Variants in AGAP1 observed in about 807,000 individuals in gnomAD.
AGAP1 encodes ArfGAP with GTPase domain, ankyrin repeat and PH domain 1.
AGAP1 carries 29 observed loss-of-function variants against 105.3 expected under a neutral mutation model. The ratio of observed to expected loss-of-function variants is 0.28; its 90% CI spans 0.21 to 0.38. AGAP1 has a LOEUF of 0.38. Among genes scored for constraint, AGAP1 ranks in the 10% least tolerant of loss-of-function variants. The pLI, the probability that AGAP1 is intolerant of heterozygous loss-of-function variation, is 1.00. For synonymous variants in AGAP1, 509 were observed against 485.9 expected, an observed-to-expected ratio of 1.05 and a Z score of -0.63; for missense variants, 998 against 1,165.1, an observed-to-expected ratio of 0.86 and a Z score of 2.09.
rs1224093217 is a variant in AGAP1 at position 236,005,754 on chromosome 2, G to C, written c.1646-30807G>C. On this transcript the variant is annotated intron_variant, in intron 13 of 17. Transcript: ENST00000304032. The surrounding 1 kb of genome is among the most constrained non-coding windows in gnomAD (Gnocchi z 4.1). ...ATGCTTTTCTCAGGTTTCATCTTGA[G>C]TTACAAGTTTTGTGGAGAAGGACCA... is the stretch of plus-strand genomic sequence containing the variant. Among the ~76,000 whole-genome samples, 1 of 152,206 alleles carries C rather than the reference G, an allele frequency of 6.6e-6. No individual in the cohort carries two copies. The highest frequency in any genetic ancestry group is 2.4e-5 in the African/African-American group (1 of 41,452).
chr2:235,715,213 TC>T (rs1951040566), intron 2 of AGAP1, among the ~76,000 whole-genome samples: 1 of 152,208 alleles, frequency 6.6e-6, no homozygotes, highest in East Asian at 1.9e-4. Flanking sequence ...CCATCCTTCT[TC>T]CTTGTCATCC....
rs570320984 is a variant in AGAP1, at chr2:236,096,269, G to C, written c.2115-23923G>C. 6.6e-6 allele frequency among the ~76,000 whole-genome samples: 1 copy of C among 152,286 alleles called. No homozygotes were observed. Among genetic ancestry groups the C allele is most frequent in the East Asian group, 1.9e-4 (1 of 5,156 alleles). On this transcript the variant is annotated intron_variant, in intron 16 of 17. Coordinates refer to ENST00000304032, the MANE Select transcript of AGAP1 (RefSeq NM_001037131.3). This position sits in a 1 kb window ranked among gnomAD's most constrained non-coding sequence, Gnocchi z 4.4. ...TAATCCCAGCACTTCGGGAGGCCAA[G>C]GCGGGGGAATCCCTGAGGTTAGAAG...
At chr2:236,030,174 T>C (rs2057182347) in intron 13 of AGAP1, among the ~76,000 whole-genome samples, 1 of 152,194 alleles carries the variant, frequency 6.6e-6, no homozygotes, top group African/African-American at 2.4e-5. Context: ...TCTTGATATT[T>C]GTTTAAGAGC....
rs1958979420 is a variant in AGAP1, at chr2:235,824,808, A to G, written c.1050+17477A>G. ...AAACACAACTGTGTTTTTCTCAGGC[A>G]TATTGTTGTTTTATGTATACCCATC... is the stretch of plus-strand genomic sequence containing the variant. On this transcript the variant is annotated intron_variant, in intron 9 of 17. Coordinates refer to ENST00000304032, the MANE Select transcript of AGAP1 (RefSeq NM_001037131.3). This position sits in a 1 kb window ranked among gnomAD's most constrained non-coding sequence, Gnocchi z 5.2. Among the ~76,000 whole-genome samples, 1 of 152,186 alleles carries G rather than the reference A, an allele frequency of 6.6e-6. No homozygotes were observed. Among genetic ancestry groups the G allele is most frequent in the African/African-American group, 2.4e-5 (1 of 41,450 alleles).
At chr2:235,539,942 C>T (rs1170834258) in intron 1 of AGAP1, among the ~76,000 whole-genome samples, 4 of 152,132 alleles carry the variant, frequency 2.6e-5, no homozygotes, top group Non-Finnish European at 4.4e-5. Context: ...ACCTGGTCAT[C>T]CACCGCGGTC....
chr2:235,765,505 T>C (rs568419404), intron 6 of AGAP1, among the ~76,000 whole-genome samples: 74 of 152,282 alleles, frequency 4.9e-4, no homozygotes, highest in East Asian at 4.8e-3. Flanking sequence ...CACTGTTCGT[T>C]TGGGGGCTCA....
In AGAP1 at chr2:236,083,796, A is replaced by G. The variant is rs1255012269; in HGVS notation, c.2114+34515A>G. Among the ~76,000 whole-genome samples, 1 of 152,220 alleles carries G rather than the reference A, an allele frequency of 6.6e-6. No individual in the cohort carries two copies. The highest frequency in any genetic ancestry group is 1.5e-5 in the Non-Finnish European group (1 of 68,040). Reference sequence around the variant, plus strand: ...GGTGTTTTAGGAGCCACAATAAACCATCGCAGAGCAAGGAGTGCCTCTTCT... The same window carrying G: ...GGTGTTTTAGGAGCCACAATAAACCGTCGCAGAGCAAGGAGTGCCTCTTCT... On this transcript the variant is annotated intron_variant, in intron 16 of 17. Transcript: ENST00000304032. The surrounding 1 kb of genome is among the most constrained non-coding windows in gnomAD (Gnocchi z 5.3).
At chr2:235,641,652 G>C (rs6707398) in intron 1 of AGAP1, among the ~76,000 whole-genome samples, 2 of 151,990 alleles carry the variant, frequency 1.3e-5, no homozygotes, top group African/African-American at 2.4e-5. Context: ...CCCCACATAC[G>C]TTCAGTGGCA....
At chr2:235,825,827 A>G (rs984227236) in intron 9 of AGAP1, among the ~76,000 whole-genome samples, 4 of 152,200 alleles carry the variant, frequency 2.6e-5, no homozygotes, top group African/African-American at 9.7e-5. Context: ...TTTAGTCAGT[A>G]ATAACTATAC....
At position 235,686,616 on chromosome 2, in the gene AGAP1, T is replaced by G. The variant is rs1248530517; in HGVS notation, c.164-22563T>G. On this transcript the variant is annotated intron_variant, in intron 1 of 17. Coordinates refer to ENST00000304032, the MANE Select transcript of AGAP1 (RefSeq NM_001037131.3). ...GTGTGTGTATATATATACGTGGAGATATAGATATATATATATATATATATA... is the reference window on the plus strand; with the variant it reads ...GTGTGTGTATATATATACGTGGAGAGATAGATATATATATATATATATATA... 2.4e-3 allele frequency among the ~76,000 whole-genome samples: 92 copies of G among 37,706 alleles called. 2 individuals are homozygous for G. The highest frequency in any genetic ancestry group is 0.012 in the African/African-American group (87 of 7,326). The allele number at this position is 37,706 out of a possible 152,430, so 24.7% of individuals were successfully genotyped here. A position where few individuals can be genotyped will look rare whatever the true frequency, so the allele number is the denominator to read the frequency against.
intron 1 of AGAP1, among the ~76,000 whole-genome samples, chr2:235,541,435 T>C (rs1226099545): frequency 7.2e-6 from 1 of 138,570 alleles, no homozygotes; most frequent in Non-Finnish European, 1.5e-5. Flanking sequence ...TCGCCCAGGC[T>C]GGAGTGCAGT....
At position 235,866,835 on chromosome 2, in the gene AGAP1, T is replaced by A. The variant is rs1346626489; in HGVS notation, c.1051-16510T>A. Among the ~76,000 whole-genome samples, 4 of 152,164 alleles carry A rather than the reference T, an allele frequency of 2.6e-5. No homozygotes were observed. The highest frequency in any genetic ancestry group is 5.9e-5 in the Non-Finnish European group (4 of 68,034). ...CTCCGTGAGTGTCTGTGTCCTGATC[T>A]TTTCTAATAAGGACAACAGTCATAT... On this transcript the variant is annotated intron_variant, in intron 9 of 17. Transcript: ENST00000304032. The surrounding 1 kb of genome is among the most constrained non-coding windows in gnomAD (Gnocchi z 6.1).
In AGAP1 at chr2:235,905,536, G is replaced by T. The variant is rs1449695520; in HGVS notation, c.1156-3202G>T. ...CTTTTTGAGACAGAGTTTCCCTCTT[G>T]TCGCTTAGGCTGGAGTGCAATGGCA... On this transcript the variant is annotated intron_variant, in intron 10 of 17. Coordinates refer to ENST00000304032, the MANE Select transcript of AGAP1 (RefSeq NM_001037131.3). This position sits in a 1 kb window ranked among gnomAD's most constrained non-coding sequence, Gnocchi z 4.2. Among the ~76,000 whole-genome samples the T allele has an allele frequency of 1.1e-4, 16 of 152,058 alleles. No individual in the cohort carries two copies. Among genetic ancestry groups the T allele is most frequent in the Admixed American group, 1.0e-3 (16 of 15,272 alleles).
chr2:235,579,878 A>G (rs544115197), intron 1 of AGAP1, among the ~76,000 whole-genome samples: 3 of 152,144 alleles, frequency 2.0e-5, no homozygotes, highest in Non-Finnish European at 4.4e-5. Context: ...GCCCAGGGGA[A>G]ACCCCATGTT....
rs866905771 is a variant in AGAP1, at chr2:235,976,049, G to C, written c.1645+7426G>C. Among the ~76,000 whole-genome samples the C allele has an allele frequency of 3.0e-4, 45 of 152,146 alleles. No homozygotes were observed. Among genetic ancestry groups the C allele is most frequent in the Admixed American group, 2.6e-4 (4 of 15,280 alleles). ...CACTGGAAATGCAGTAGCGAATGTG[G>C]AAAACCAAGAATCAGAACATCTTCC... is the stretch of plus-strand genomic sequence containing the variant. On this transcript the variant is annotated intron_variant, in intron 13 of 17. Coordinates refer to ENST00000304032, the MANE Select transcript of AGAP1 (RefSeq NM_001037131.3). This position sits in a 1 kb window ranked among gnomAD's most constrained non-coding sequence, Gnocchi z 4.5.
chr2:235,603,017 T>G lies in AGAP1; in HGVS notation c.164-106162T>G, dbSNP rs1945784378. Among the ~76,000 whole-genome samples, 4 of 152,268 alleles carry G rather than the reference T, an allele frequency of 2.6e-5. 1 individual carries two copies. In the South Asian group the frequency reaches 8.3e-4, roughly 32 times the overall value. On this transcript the variant is annotated intron_variant, in intron 1 of 17. Coordinates refer to ENST00000304032, the MANE Select transcript of AGAP1 (RefSeq NM_001037131.3). ...GTGCCTGGCCCATCGGACACACTTC[T>G]TACTGATATGGTTTGGCTGTGTCCC... is the stretch of plus-strand genomic sequence containing the variant.
intron 6 of AGAP1, among the ~76,000 whole-genome samples, chr2:235,782,062 G>A (rs778412219): frequency 2.0e-5 from 3 of 152,298 alleles, no homozygotes; most frequent in Non-Finnish European, 4.4e-5. Context: ...TGGACAGCAG[G>A]ACTAACTCTT....
rs774797485 is a variant in AGAP1, at chr2:235,750,695, A to G, written c.673+207A>G. Reference sequence around the variant, plus strand: ...CTGTGTTCAGAAGAGACAACAAGGCATGGCTTGAGAACAGCCTGGTGTTGG... The same window carrying G: ...CTGTGTTCAGAAGAGACAACAAGGCGTGGCTTGAGAACAGCCTGGTGTTGG... On this transcript the variant is annotated intron_variant, in intron 6 of 17. Coordinates refer to ENST00000304032, the MANE Select transcript of AGAP1 (RefSeq NM_001037131.3). This position sits in a 1 kb window ranked among gnomAD's most constrained non-coding sequence, Gnocchi z 5.3. Among the ~76,000 whole-genome samples, 1 of 152,204 alleles carries G rather than the reference A, an allele frequency of 6.6e-6. No individual in the cohort carries two copies. Among genetic ancestry groups the G allele is most frequent in the African/African-American group, 2.4e-5 (1 of 41,452 alleles).
chr2:235,611,539 T>C lies in AGAP1; in HGVS notation c.164-97640T>C, dbSNP rs554102422. Reference sequence around the variant, plus strand: ...GAGGTGGTGATTTATGATGCCTGTGTACTTCCCTGTGGTGCCCAGGCCTGC... The same window carrying C: ...GAGGTGGTGATTTATGATGCCTGTGCACTTCCCTGTGGTGCCCAGGCCTGC... On this transcript the variant is annotated intron_variant, in intron 1 of 17. Coordinates refer to ENST00000304032, the MANE Select transcript of AGAP1 (RefSeq NM_001037131.3). The surrounding 1 kb of genome is among the most constrained non-coding windows in gnomAD (Gnocchi z 5.0). Among the ~76,000 whole-genome samples the C allele has an allele frequency of 7.9e-5, 12 of 152,334 alleles. No individual in the cohort carries two copies. Among genetic ancestry groups the C allele is most frequent in the Non-Finnish European group, 1.6e-4 (11 of 68,036 alleles).
Sources: gnomAD v4.1 joint callset for allele counts (sites outside exome capture counted in the v4.1 genomes callset) on GRCh38, gnomAD v4.1.1 for gene constraint, Gnocchi (gnomAD v3.1) non-coding constraint, MANE v1.5 for transcripts, NCBI Gene and HGNC (gene_info 2026-07-23, HGNC 2026-07-21) for gene names.